The following YEATS4 variants were observed in gnomAD, a reference collection of about 807,000 sequenced individuals.
YEATS4 encodes YEATS domain-containing protein 4.
YEATS4 carries 17 observed loss-of-function variants against 30.1 expected under a neutral mutation model. The observed-to-expected ratio is 0.56, with a 90% CI of 0.39 to 0.85. The LOEUF (loss-of-function observed/expected upper bound fraction) is 0.85. Ranked by LOEUF, YEATS4 falls within the 40% of genes least tolerant of loss-of-function variation. The pLI is 0.00. For missense variants in YEATS4, 142 were observed against 268.3 expected, an observed-to-expected ratio of 0.53 and a Z score of 3.29; for synonymous variants, 85 against 87.5, an observed-to-expected ratio of 0.97 and a Z score of 0.16.
chr12:69,419,063 C>T, the YEATS4 span, among the ~76,000 whole-genome samples: 1 of 148,206 alleles, frequency 6.7e-6, no homozygotes, highest in East Asian at 2.0e-4. Flanking sequence ...TTACTTTAGT[C>T]ATTTCCCCTG....
intron 4 of YEATS4, among the ~76,000 whole-genome samples, chr12:69,370,120 G>A (rs1875583199): frequency 6.6e-6 from 1 of 152,080 alleles, no homozygotes; most frequent in African/African-American, 2.4e-5. Flanking sequence ...ATTTTATTTT[G>A]CTGAAATAAT....
chr12:69,383,172 G>A (rs2121038405), intron 6 of YEATS4, among the ~76,000 whole-genome samples: 1 of 152,270 alleles, frequency 6.6e-6, no homozygotes, highest in South Asian at 2.1e-4. Flanking sequence ...GCTGAGGTTG[G>A]GGGATTACTT....
At chr12:69,403,941 CT>C in the YEATS4 span, among the ~76,000 whole-genome samples, 2 of 151,796 alleles carry the variant, frequency 1.3e-5, no homozygotes, top group East Asian at 1.9e-4. Context: ...TTTTTTGTTT[CT>C]TTTTTTTCCT....
chr12:69,359,922 G>C lies in YEATS4; in HGVS notation c.-51G>C, dbSNP rs759053145. 3.1e-6 allele frequency: 5 copies of C among 1,608,258 alleles called. No homozygotes were observed. Among genetic ancestry groups the C allele is most frequent in the South Asian group, 1.1e-5 (1 of 90,684 alleles). ...GGTCTCTGAGGGGAGCGGCGACCCCGCCAGCCCCGGTCTCTTTCCCTGGCG... is the reference window on the plus strand; with the variant it reads ...GGTCTCTGAGGGGAGCGGCGACCCCCCCAGCCCCGGTCTCTTTCCCTGGCG... On this transcript the variant is annotated 5_prime_UTR_variant, in exon 1 of 7. Transcript: ENST00000247843.
Position 69,359,780 on chromosome 12 carries a change from T to G in YEATS4, c.-193T>G. The G allele has an allele frequency of 1.6e-6, 1 of 625,210 alleles. No homozygotes were observed. Among genetic ancestry groups the G allele is most frequent in the Non-Finnish European group, 2.7e-6 (1 of 372,254 alleles). 38.7% of individuals were successfully genotyped at this position (625,210 alleles called of 1,614,324 possible). On this transcript the variant is annotated 5_prime_UTR_variant, in exon 1 of 7. An upstream start codon of the reference 5' UTR is lost. Coordinates refer to ENST00000247843, the MANE Select transcript of YEATS4 (RefSeq NM_006530.4). ...CGTTCTCCACCTGCGCGGGCCTGAA[T>G]GGCCTTCAGGAGCACAGTCGGCCTG...
intron 6 of YEATS4, among the ~76,000 whole-genome samples, chr12:69,377,057 T>G (rs1226712391): frequency 6.6e-6 from 1 of 152,232 alleles, no homozygotes; most frequent in African/African-American, 2.4e-5. Context: ...GTCTCCTTTT[T>G]CATCCTTTGA....
the YEATS4 span, among the ~76,000 whole-genome samples, chr12:69,426,147 C>T: frequency 6.6e-6 from 1 of 152,042 alleles, no homozygotes; most frequent in Non-Finnish European, 1.5e-5. Flanking sequence ...GAAGCTGGGG[C>T]GGGAGGATCA....
At chr12:69,368,210 A>G (rs1875509292) in intron 4 of YEATS4, among the ~76,000 whole-genome samples, 1 of 152,206 alleles carries the variant, frequency 6.6e-6, no homozygotes, top group East Asian at 1.9e-4. Flanking sequence ...TATCTAAGAA[A>G]GACAAGTTGG....
In YEATS4 at chr12:69,390,315, A is replaced by C. The variant is rs143499850; in HGVS notation, c.683A>C (p.Ter228SerextTer8). The part of the protein sequence containing the change: ...LEEDDQAKDI[*>S] Reference sequence around the variant, plus strand: ...GAAGATGACCAAGCAAAAGACATATAAACAGTTCTCATGAGAACTTGGTAG... The same window carrying C: ...GAAGATGACCAAGCAAAAGACATATCAACAGTTCTCATGAGAACTTGGTAG... Residue 228 changes from the stop codon to serine, a stop_lost, in exon 7 of 7, where the codon TAA (stop) becomes TCA (serine). Transcript: ENST00000247843. 3.0e-5 allele frequency: 47 copies of C among 1,573,704 alleles called. No homozygotes were observed. The African/African-American group carries it at 6.2e-4, about 21-fold the overall frequency.
the YEATS4 span, among the ~76,000 whole-genome samples, chr12:69,400,452 C>T: frequency 6.6e-6 from 1 of 151,070 alleles, no homozygotes; most frequent in African/African-American, 2.4e-5. Flanking sequence ...ATATGTATAT[C>T]TCCTACAAAT....
Position 69,375,969 on chromosome 12 carries a change from A to G in YEATS4, c.514+4994A>G, listed in dbSNP as rs1410002346. Among the ~76,000 whole-genome samples the G allele has an allele frequency of 2.0e-5, 3 of 152,196 alleles. No individual in the cohort carries two copies. The East Asian group carries it at 5.8e-4, about 29-fold the overall frequency. On this transcript the variant is annotated intron_variant, in intron 6 of 6. Transcript: ENST00000247843. ...TTCACTGTTGGCATACAGAGATGCT[A>G]CTGATTTTTTTGTATGTTGATTTTG... is the stretch of plus-strand genomic sequence containing the variant.
the YEATS4 span, among the ~76,000 whole-genome samples, chr12:69,410,945 T>C: frequency 6.6e-6 from 1 of 152,246 alleles, no homozygotes; most frequent in Non-Finnish European, 1.5e-5. Flanking sequence ...TAGGACATTA[T>C]GTCAAAACTG....
intron 6 of YEATS4, among the ~76,000 whole-genome samples, chr12:69,383,376 A>AG: frequency 6.6e-6 from 1 of 152,342 alleles, no homozygotes; most frequent in South Asian, 2.1e-4. Flanking sequence ...GGAGAAGTGT[A>AG]GGCTGGAGAC....
chr12:69,387,331 G>C (rs757321221), intron 6 of YEATS4, among the ~76,000 whole-genome samples: 3 of 152,136 alleles, frequency 2.0e-5, no homozygotes, highest in Non-Finnish European at 4.4e-5. Flanking sequence ...TGATGCAGTA[G>C]GGAAACAGAC....
chr12:69,400,446 G>A, the YEATS4 span, among the ~76,000 whole-genome samples: 3,205 of 148,470 alleles, frequency 0.022, 36 homozygotes, highest in Middle Eastern at 0.051. Context: ...ATATATATAT[G>A]TATATCTCCT....
At chr12:69,399,821 T>C in the YEATS4 span, among the ~76,000 whole-genome samples, 1 of 152,182 alleles carries the variant, frequency 6.6e-6, no homozygotes, top group African/African-American at 2.4e-5. Context: ...ATGAATGATG[T>C]GCTAAACATG....
intron 4 of YEATS4, among the ~76,000 whole-genome samples, chr12:69,368,421 T>C (rs1019117011): frequency 1.3e-4 from 20 of 152,360 alleles, no homozygotes; most frequent in African/African-American, 4.8e-4. Flanking sequence ...GACATCTGTC[T>C]TGAAATGTTT....
chr12:69,409,587 A>C, the YEATS4 span, among the ~76,000 whole-genome samples: 1 of 151,878 alleles, frequency 6.6e-6, no homozygotes, highest in East Asian at 1.9e-4. Flanking sequence ...ACTGTACTCC[A>C]GCCTGGGCAA....
chr12:69,377,145 T>C (rs981368757), intron 6 of YEATS4, among the ~76,000 whole-genome samples: 1 of 152,194 alleles, frequency 6.6e-6, no homozygotes, highest in Non-Finnish European at 1.5e-5. Flanking sequence ...TCTTGTTTCA[T>C]TGAGCTTGTA....
Sources: gnomAD v4.1 joint callset for allele counts (sites outside exome capture counted in the v4.1 genomes callset) on GRCh38, gnomAD v4.1.1 for gene constraint, MANE v1.5 for transcripts, NCBI Gene and HGNC (gene_info 2026-07-23, HGNC 2026-07-21) for gene names.